SEPTIN11: variants seen among roughly 807,000 people sequenced by gnomAD.
SEPTIN11 encodes the protein septin-11.
Under a neutral mutation model 51.4 loss-of-function variants are expected in SEPTIN11, and 25 were observed. The observed-to-expected ratio is 0.49, with a 90% CI of 0.35 to 0.68. SEPTIN11 has a LOEUF of 0.68. SEPTIN11 is among the 30% of genes least tolerant of loss of function. SEPTIN11 has a pLI of 0.00. For missense variants in SEPTIN11, 381 were observed against 520.8 expected (o/e 0.73, Z 2.61); for synonymous variants, 174 against 184.1 (o/e 0.95, Z 0.44).
At chr4:76,979,239 C>T (rs1722642845) in intron 1 of SEPTIN11, among the ~76,000 whole-genome samples, 1 of 152,152 alleles carries the variant, frequency 6.6e-6, no homozygotes, top group Non-Finnish European at 1.5e-5. Context: ...CAAGATGTGA[C>T]CAAGGACCCA....
chr4:76,989,045 A>G (rs1448303361), intron 1 of SEPTIN11, among the ~76,000 whole-genome samples: 1 of 152,230 alleles, frequency 6.6e-6, no homozygotes, highest in Non-Finnish European at 1.5e-5. Context: ...ATGCATCTCT[A>G]ACATCCAGAT....
At chr4:76,979,753 T>C in intron 1 of SEPTIN11, among the ~76,000 whole-genome samples, 1 of 150,478 alleles carries the variant, frequency 6.6e-6, no homozygotes, top group South Asian at 2.1e-4. Flanking sequence ...AGCGTGCTGG[T>C]GGGCGCCTGT....
rs191284033 is a variant in SEPTIN11 at position 76,999,995 on chromosome 4, A to G, written c.142+3456A>G. The stretch of plus-strand genomic sequence containing the variant: ...AAATTAGCATTTAGCCTTTTTTCAT[A>G]ATTTTAAATTTGTATGTCTTTCTCA... On this transcript the variant is annotated intron_variant, in intron 2 of 9. Coordinates refer to ENST00000264893, the MANE Select transcript of SEPTIN11 (RefSeq NM_018243.4). 3.1e-3 allele frequency among the ~76,000 whole-genome samples: 474 copies of G among 152,308 alleles called. 4 individuals carry two copies. The highest frequency in any genetic ancestry group is 0.011 in the African/African-American group (449 of 41,574).
intron 1 of SEPTIN11, among the ~76,000 whole-genome samples, chr4:76,971,753 T>C (rs952838341): frequency 2.6e-5 from 4 of 152,164 alleles, no homozygotes; most frequent in Non-Finnish European, 5.9e-5. Flanking sequence ...CAGTATTCAC[T>C]TGAGAAAGCA....
chr4:76,950,092 GGGTTA>G, intron 1 of SEPTIN11, among the ~76,000 whole-genome samples, 162 bp downstream of exon 1: 1 of 152,324 alleles, frequency 6.6e-6, no homozygotes, highest in South Asian at 2.1e-4. Flanking sequence ...TCTGGGGTCG[GGGTTA>G]GGAGCCCAGG....
chr4:76,958,944 A>G (rs1721682790), intron 1 of SEPTIN11: 2 of 1,183,974 alleles, frequency 1.7e-6, no homozygotes, highest in Admixed American at 1.7e-5. Context: ...AAAAACTGGA[A>G]TGTTGGCATG....
At chr4:76,983,087 C>G (rs529148985) in intron 1 of SEPTIN11, among the ~76,000 whole-genome samples, 1 of 152,186 alleles carries the variant, frequency 6.6e-6, no homozygotes, top group South Asian at 2.1e-4. Context: ...GATCCCAGCC[C>G]CCTGGTGTAC....
At chr4:77,039,413 C>G, downstream of SEPTIN11, 1 of 1,043,948 alleles carries the variant, frequency 9.6e-7, no homozygotes, top group Non-Finnish European at 1.2e-6. Context: ...CTATCATGTT[C>G]TTGAAGCTGC....
intron 7 of SEPTIN11, among the ~76,000 whole-genome samples, chr4:77,023,475 AAAAT>A (rs1433604346): frequency 6.6e-6 from 1 of 151,574 alleles, no homozygotes; most frequent in Non-Finnish European, 1.5e-5. Flanking sequence ...GGACCTTCTA[AAAAT>A]AAATACCTTC....
chr4:77,035,522 C>T lies in SEPTIN11; in HGVS notation c.*1010C>T, dbSNP rs1010217987. 15 of 985,154 alleles carry T rather than the reference C, an allele frequency of 1.5e-5. No individual in the cohort carries two copies. Among genetic ancestry groups the T allele is most frequent in the East Asian group, 1.1e-4 (1 of 8,812 alleles). The allele number at this position is 985,154 out of a possible 1,614,324, so 61.0% of individuals were successfully genotyped here. A position where few individuals can be genotyped will look rare whatever the true frequency, so the allele number is the denominator to read the frequency against. On this transcript the variant is annotated 3_prime_UTR_variant, in exon 10 of 10. Transcript: ENST00000264893. ...GTATCATTGGTAGCACAAATTTGAG[C>T]GAGGCCTTGTCAATTTTAAGGTGGA...
Position 77,011,631 on chromosome 4 carries a change from T to G in SEPTIN11, c.339-104T>G, listed in dbSNP as rs888336917. On this transcript the variant is annotated intron_variant, in intron 3 of 9. Transcript: ENST00000264893. Reference sequence around the variant, plus strand: ...AAGGCCTGGATACCTAGGTAAGGACTTGGGCTTTAGCCCTTAGGAGAGAAG... The same window carrying G: ...AAGGCCTGGATACCTAGGTAAGGACGTGGGCTTTAGCCCTTAGGAGAGAAG... 27 of 1,069,218 alleles carry G rather than the reference T, an allele frequency of 2.5e-5. 1 individual carries two copies. Among genetic ancestry groups the G allele is most frequent in the Middle Eastern group, 2.8e-4 (1 of 3,524 alleles). The allele number at this position is 1,069,218 out of a possible 1,614,324, so 66.2% of individuals were successfully genotyped here.
At chr4:76,951,179 G>T (rs1721324354) in intron 1 of SEPTIN11, among the ~76,000 whole-genome samples, 1 of 152,026 alleles carries the variant, frequency 6.6e-6, no homozygotes, top group African/African-American at 2.4e-5. Context: ...CCCCAGATAC[G>T]CGCGCCTTTT....
chr4:77,030,647 G>C (rs922902453), intron 8 of SEPTIN11, 136 bp from the exon 9 acceptor site: 24 of 687,604 alleles, frequency 3.5e-5, no homozygotes, highest in Non-Finnish European at 5.5e-5. Flanking sequence ...CACCCACCTC[G>C]GCCTCCCAAA....
chr4:76,961,229 G>C (rs1721814119), intron 1 of SEPTIN11, among the ~76,000 whole-genome samples: 1 of 152,076 alleles, frequency 6.6e-6, no homozygotes, highest in African/African-American at 2.4e-5. Context: ...TGTAATTCGA[G>C]GACCCTTGAA....
chr4:77,025,733 A>C (rs1726083332), intron 7 of SEPTIN11, among the ~76,000 whole-genome samples: 1 of 152,148 alleles, frequency 6.6e-6, no homozygotes, highest in South Asian at 2.1e-4. Flanking sequence ...TTTGTAAGTA[A>C]CTAATTACAG....
chr4:77,030,922 C>G lies in SEPTIN11; in HGVS notation c.1226C>G (p.Ala409Gly). Residue 409 changes from alanine (A) to glycine (G), a missense_variant, in exon 9 of 10, where the codon GCC (alanine) becomes GGC (glycine). Physicochemically the swap from Ala to Gly is moderately conservative, Grantham distance 60. Transcript: ENST00000264893. ...KAAAQLLQSQ[A>G]QQSGAQQTKK... is the part of the protein sequence containing the mutation. ...GCGGCTCAGTTACTACAGTCCCAGGCCCAGCAATCTGGGGCCCAGCAAACC... is the reference window on the plus strand; with the variant it reads ...GCGGCTCAGTTACTACAGTCCCAGGGCCAGCAATCTGGGGCCCAGCAAACC... The G allele has an allele frequency of 1.2e-6, 2 of 1,610,248 alleles. No individual in the cohort carries two copies. The highest frequency in any genetic ancestry group is 1.7e-6 in the Non-Finnish European group (2 of 1,179,262).
chr4:77,030,383 A>G (rs561218110), intron 8 of SEPTIN11, among the ~76,000 whole-genome samples: 2 of 152,232 alleles, frequency 1.3e-5, no homozygotes, highest in African/African-American at 4.8e-5. Context: ...GTGCAGCCAC[A>G]TGACACATAT....
At chr4:76,957,913 G>C (rs1269207295) in intron 1 of SEPTIN11, among the ~76,000 whole-genome samples, 1 of 152,088 alleles carries the variant, frequency 6.6e-6, no homozygotes, top group Non-Finnish European at 1.5e-5. Context: ...TTTAAAAAAA[G>C]TGACTGTCAA....
rs140713551 is a variant in SEPTIN11 at position 76,977,112 on chromosome 4, A to G, written c.28-19313A>G. ...GGGAGAGAAATTTAAACCATAGTAA[A>G]AAGCTCAAGAGAGAGAGAATATGGC... is the stretch of plus-strand genomic sequence containing the variant. On this transcript the variant is annotated intron_variant, in intron 1 of 9. Transcript: ENST00000264893. 2.2e-3 allele frequency among the ~76,000 whole-genome samples: 338 copies of G among 152,348 alleles called. 1 individual carries two copies. Among genetic ancestry groups the G allele is most frequent in the African/African-American group, 8.0e-3 (331 of 41,586 alleles).
Sources: allele counts gnomAD v4.1 joint callset (sites outside exome capture counted in the v4.1 genomes callset), GRCh38; gene constraint gnomAD v4.1.1; transcripts MANE v1.5; gene names NCBI Gene and HGNC (gene_info 2026-07-23, HGNC 2026-07-21).